CACNA1H: variants seen among roughly 807,000 people sequenced by gnomAD.
The protein encoded by CACNA1H is voltage-dependent T-type calcium channel subunit alpha-1H.
Under a neutral mutation model 192.5 loss-of-function variants are expected in CACNA1H, and 149 were observed. The observed-to-expected ratio is 0.77, with a 90% CI of 0.68 to 0.89. The LOEUF is 0.89. Ranked by LOEUF, CACNA1H falls within the 40% of genes least tolerant of loss-of-function variation. The pLI, the probability that CACNA1H is intolerant of heterozygous loss-of-function variation, is 0.00. For missense variants in CACNA1H, 4,257 were observed against 3,423.5 expected, an observed-to-expected ratio of 1.24 and a Z score of -6.08; for synonymous variants, 2,202 against 1,475.2, an observed-to-expected ratio of 1.49 and a Z score of -11.29.
chr16:1,214,019 C>A, intron 27 of CACNA1H, 88 bp downstream of exon 27: 1 of 1,153,332 alleles, frequency 8.7e-7, no homozygotes, highest in Non-Finnish European at 1.3e-6. Context: ...TGGACCGGCG[C>A]TCCGCTGAGC....
intron 2 of CACNA1H, among the ~76,000 whole-genome samples, chr16:1,194,750 G>A (rs932655505): frequency 5.9e-5 from 9 of 152,176 alleles, no homozygotes; most frequent in East Asian, 1.9e-4. Flanking sequence ...CCGGGCCTGG[G>A]ACCCTCACGG....
At chr16:1,196,082 G>A in intron 5 of CACNA1H, 59 bp downstream of exon 5, 2 of 1,375,372 alleles carry the variant, frequency 1.5e-6, no homozygotes, top group African/African-American at 1.4e-5. Context: ...CGCCAGCCCT[G>A]CAGAGCTCTC....
chr16:1,202,912 GAGTC>G (rs1296434352), intron 9 of CACNA1H, among the ~76,000 whole-genome samples: 2 of 152,124 alleles, frequency 1.3e-5, no homozygotes, highest in South Asian at 2.1e-4. Flanking sequence ...GAGTCACCGA[GAGTC>G]AGGAAGAGAG....
Position 1,211,052 on chromosome 16 carries a change from C to T in CACNA1H, c.4223+81C>T, listed in dbSNP as rs1596457555. ...CACTGCCCATTACTCCTCCCGCAGT[C>T]CTGGGCTGTTCGCAGGCCGCCCACT... is the stretch of plus-strand genomic sequence containing the variant. On this transcript the variant is annotated intron_variant, in intron 21 of 34. Transcript: ENST00000348261. 3.2e-6 allele frequency: 5 copies of T among 1,554,892 alleles called. No individual in the cohort carries two copies. The Admixed American group carries it at 8.6e-5, about 27-fold the overall frequency.
rs779707482 is a variant in CACNA1H, at chr16:1,213,823, C to T, written c.4821C>T (p.Arg1607=). Residue 1607 remains arginine (R), a synonymous_variant, in exon 27 of 35, where the codon CGC becomes CGT. Coordinates refer to ENST00000348261, the MANE Select transcript of CACNA1H (RefSeq NM_021098.3). The stretch of plus-strand genomic sequence containing the variant: ...ACTATGCCGACTACTCGCCCACGCG[C>T]CGCTCCATTCACTCGCTGTGCACCA... ...RPYYADYSPT[R]RSIHSLCTSH... The T allele has an allele frequency of 1.3e-6, 2 of 1,588,574 alleles. No individual in the cohort carries two copies. The highest frequency in any genetic ancestry group is 1.1e-5 in the South Asian group (1 of 87,486).
intron 11 of CACNA1H, 147 bp from the exon 12 acceptor site, chr16:1,205,957 C>T: frequency 2.7e-6 from 2 of 730,474 alleles, no homozygotes; most frequent in Non-Finnish European, 4.3e-6. Flanking sequence ...GCTGTTCATG[C>T]ACCTTGATGC....
intron 15 of CACNA1H, 33 bp downstream of exon 15, chr16:1,207,893 G>A: frequency 6.4e-7 from 1 of 1,559,926 alleles, no homozygotes; most frequent in Non-Finnish European, 8.7e-7. Flanking sequence ...CCGGGTTCTG[G>A]CGGGTGGAGT....
In CACNA1H at chr16:1,220,335, C is replaced by T. The variant is rs1970382752; in HGVS notation, c.6403C>T (p.Leu2135Phe). The T allele has an allele frequency of 6.4e-7, 1 of 1,553,624 alleles. No individual in the cohort carries two copies. Among genetic ancestry groups the T allele is most frequent in the Non-Finnish European group, 8.6e-7 (1 of 1,156,922 alleles). The change falls in exon 35 of 35, where the codon CTC becomes TTC. Residue 2135 changes from leucine to phenylalanine, a missense_variant. Leu to Phe is a conservative substitution (Grantham distance 22). Coordinates refer to ENST00000348261, the MANE Select transcript of CACNA1H (RefSeq NM_021098.3). Reference sequence around the variant, plus strand: ...CGGCGGCGAGCGGGACCTGCGCAGGCTCTACAGCGTGGATGCTCAGGGCTT... The same window carrying T: ...CGGCGGCGAGCGGGACCTGCGCAGGTTCTACAGCGTGGATGCTCAGGGCTT... ...VAGGERDLRR[L>F]YSVDAQGFLD...
Position 1,220,005 on chromosome 16 carries a change from G to A in CACNA1H, c.6073G>A (p.Glu2025Lys). The A allele has an allele frequency of 2.2e-6, 3 of 1,351,864 alleles. No homozygotes were observed. The highest frequency in any genetic ancestry group is 9.5e-7 in the Non-Finnish European group (1 of 1,048,502). The allele number at this position is 1,351,864 out of a possible 1,614,324, so 83.7% of individuals were successfully genotyped here. The change falls in exon 35 of 35, where the codon GAA becomes AAA. Residue 2025 changes from glutamate to lysine, a missense_variant. By Grantham distance (56) the Glu-to-Lys change is moderately conservative. Transcript: ENST00000348261. ...RQEAVHTDSL[E>K]GKIDSPRDTL... ...GGAGGCTGTGCACACCGATTCCTTG[G>A]AAGGGAAGATTGACAGCCCTAGGGA...
At chr16:1,170,550 C>T (rs1964267787) in intron 2 of CACNA1H, among the ~76,000 whole-genome samples, 1 of 152,230 alleles carries the variant, frequency 6.6e-6, no homozygotes, top group Non-Finnish European at 1.5e-5. Flanking sequence ...CAGTGGCCGT[C>T]AGCCTTGGGA....
chr16:1,155,345 G>C (rs1962193920), intron 2 of CACNA1H, among the ~76,000 whole-genome samples: 1 of 152,208 alleles, frequency 6.6e-6, no homozygotes, highest in African/African-American at 2.4e-5. Context: ...GTGTCCCCGG[G>C]AGCCGAGGTG....
chr16:1,199,485 C>T lies in CACNA1H; in HGVS notation c.803+711C>T, dbSNP rs1324148723. On this transcript the variant is annotated intron_variant, in intron 6 of 34. Coordinates refer to ENST00000348261, the MANE Select transcript of CACNA1H (RefSeq NM_021098.3). Reference sequence around the variant, plus strand: ...CCACCCCCATCATGGCTCCACCCACCGTGCGGTCATTGCACATATGTCCCA... The same window carrying T: ...CCACCCCCATCATGGCTCCACCCACTGTGCGGTCATTGCACATATGTCCCA... Among the ~76,000 whole-genome samples, 11 of 119,570 alleles carry T rather than the reference C, an allele frequency of 9.2e-5. 2 individuals are homozygous for T. Among genetic ancestry groups the T allele is most frequent in the East Asian group, 2.1e-4 (1 of 4,806 alleles). The allele number at this position is 119,570 out of a possible 152,430, so 78.4% of individuals were successfully genotyped here.
chr16:1,215,218 T>C (rs565747796), intron 28 of CACNA1H, 24 bp from the exon 29 acceptor site: 2 of 1,592,898 alleles, frequency 1.3e-6, no homozygotes, highest in East Asian at 4.5e-5. Context: ...CCCAGACGTG[T>C]GCGCTGAGCC....
In CACNA1H at chr16:1,217,910, TC is replaced by T. The variant is rs1224711166; in HGVS notation, c.5324-5del. The stretch of plus-strand genomic sequence containing the variant: ...CTCGGCTGACCGGGCGGGGTCTCCC[TC>T]CCCGCAGAGTGCAGTGAAGACAACC... On this transcript the variant is annotated splice_polypyrimidine_tract_variant and splice_region_variant and intron_variant, in intron 31 of 34. Transcript: ENST00000348261. 6.3e-7 allele frequency: 1 copy of T among 1,596,314 alleles called. No individual in the cohort carries two copies. Among genetic ancestry groups the T allele is most frequent in the Non-Finnish European group, 8.5e-7 (1 of 1,172,158 alleles).
chr16:1,209,810 T>C (rs1567536383), intron 17 of CACNA1H, among the ~76,000 whole-genome samples: 2 of 152,144 alleles, frequency 1.3e-5, no homozygotes. Context: ...CCCCGTGGAC[T>C]CCAGCACGGG....
At chr16:1,205,526 A>G (rs1014201116) in intron 11 of CACNA1H, among the ~76,000 whole-genome samples, 2 of 152,206 alleles carry the variant, frequency 1.3e-5, no homozygotes, top group South Asian at 4.1e-4. Context: ...AGATGTTTCT[A>G]GAAACTAGCG....
intron 12 of CACNA1H, 194 bp downstream of exon 12, chr16:1,206,483 T>A: frequency 3.4e-6 from 2 of 593,000 alleles, no homozygotes; most frequent in East Asian, 5.7e-5. Flanking sequence ...GTGTTAGACA[T>A]GCAGGGAGTC....
rs28365121 is a variant in CACNA1H, at chr16:1,205,107, C to T, written c.2452-7C>T. 462 of 1,609,444 alleles carry T rather than the reference C, an allele frequency of 2.9e-4. No individual in the cohort carries two copies. The highest frequency in any genetic ancestry group is 3.6e-4 in the Non-Finnish European group (430 of 1,179,128). On this transcript the variant is annotated splice_polypyrimidine_tract_variant and splice_region_variant and intron_variant, in intron 10 of 34. Coordinates refer to ENST00000348261, the MANE Select transcript of CACNA1H (RefSeq NM_021098.3). ...GCCTCCTGAACTGTCCCCACCTCTG[C>T]CTGCAGCCCGAGGAGCTGACTAATG...
chr16:1,212,290 G>C, intron 25 of CACNA1H, 152 bp downstream of exon 25: 1 of 1,286,360 alleles, frequency 7.8e-7, no homozygotes, highest in South Asian at 1.5e-5. Flanking sequence ...GCCTTGGAGG[G>C]GCTGGCCCGA....
Sources: allele counts gnomAD v4.1 joint callset (sites outside exome capture counted in the v4.1 genomes callset), GRCh38; gene constraint gnomAD v4.1.1; transcripts MANE v1.5; gene names NCBI Gene and HGNC (gene_info 2026-07-23, HGNC 2026-07-21).